The following LZIC variants were observed in gnomAD, a reference collection of about 807,000 sequenced individuals.
LZIC encodes leucine zipper and CTNNBIP1 domain containing, also known as protein LZIC.
Under a neutral mutation model 25.4 loss-of-function variants are expected in LZIC, and 28 were observed. The ratio of observed to expected loss-of-function variants is 1.10; its 90% confidence interval spans 0.82 to 1.51. The LOEUF (loss-of-function observed/expected upper bound fraction) is 1.51, where lower values mean the gene tolerates loss of function less well. Among genes scored for constraint, LZIC ranks in the 40% most tolerant of loss-of-function variants. The pLI, the probability that LZIC is intolerant of heterozygous loss-of-function variation, is 0.00. For missense variants in LZIC, 170 were observed against 211.1 expected (o/e 0.81, Z 1.21); for synonymous variants, 65 against 70.7 (o/e 0.92, Z 0.40).
Position 9,927,964 on chromosome 1 carries a change from T to C in LZIC, c.*2435A>G, listed in dbSNP as rs1453840672. 6.6e-6 allele frequency among the ~76,000 whole-genome samples: 1 copy of C among 152,052 alleles called. No homozygotes were observed. Among genetic ancestry groups the C allele is most frequent in the Non-Finnish European group, 1.5e-5 (1 of 68,010 alleles). ...CTGGGATTACAGGTGTGAGCCACTG[T>C]GCCCGACTGGTGGGAAGAATCTTCT... On this transcript the variant is annotated 3_prime_UTR_variant, in exon 8 of 8. Coordinates refer to ENST00000377223, the MANE Select transcript of LZIC (RefSeq NM_032368.5).
chr1:9,924,664 G>GT (rs747821759), downstream of LZIC, among the ~76,000 whole-genome samples: 29 of 151,986 alleles, frequency 1.9e-4, no homozygotes, highest in Non-Finnish European at 3.7e-4. Context: ...TAATTTTTGT[G>GT]TTTTTTTGTA....
chr1:9,941,186 TTC>T (rs1248689232), intron 2 of LZIC, among the ~76,000 whole-genome samples: 6 of 151,968 alleles, frequency 3.9e-5, no homozygotes, highest in Non-Finnish European at 7.4e-5. Flanking sequence ...CTTTCGTTCG[TTC>T]GTTCTTTCTT....
At position 9,929,374 on chromosome 1, in the gene LZIC, A is replaced by C; in HGVS notation, c.*1025T>G. Reference sequence around the variant, plus strand: ...ATATAAAATGGCTAGAGCCTAAAAAATAAGCTAATATACACGCATAGGGAC... The same window carrying C: ...ATATAAAATGGCTAGAGCCTAAAAACTAAGCTAATATACACGCATAGGGAC... On this transcript the variant is annotated 3_prime_UTR_variant, in exon 8 of 8. Coordinates refer to ENST00000377223, the MANE Select transcript of LZIC (RefSeq NM_032368.5). 1 of 985,168 alleles carries C rather than the reference A, an allele frequency of 1.0e-6. No individual in the cohort carries two copies. Among genetic ancestry groups the C allele is most frequent in the Middle Eastern group, 5.2e-4 (1 of 1,914 alleles). The allele number at this position is 985,168 out of a possible 1,614,324, so 61.0% of individuals were successfully genotyped here.
Position 9,928,149 on chromosome 1 carries a change from T to C in LZIC, c.*2250A>G, listed in dbSNP as rs1370595844. ...GACCAACATGGAGAAACCCCATCTC[T>C]ACTAAAAACACAAAATTAGCCAGGT... On this transcript the variant is annotated 3_prime_UTR_variant, in exon 8 of 8. Transcript: ENST00000377223. 6.6e-6 allele frequency among the ~76,000 whole-genome samples: 1 copy of C among 151,912 alleles called. No homozygotes were observed. Among genetic ancestry groups the C allele is most frequent in the East Asian group, 2.0e-4 (1 of 5,118 alleles).
chr1:9,942,918 C>T (rs1640828039), intron 1 of LZIC, 136 bp from the exon 2 acceptor site: 1 of 354,420 alleles, frequency 2.8e-6, no homozygotes, highest in South Asian at 2.1e-5. Flanking sequence ...CTGCGCCTAC[C>T]GCAGCCTTTC....
rs540506180 is a variant in LZIC at position 9,932,686 on chromosome 1, A to G, written c.432+117T>C. ...CAACAAGAGCGGAACTCCGTCTCAG[A>G]AAAAAAAAAAAAAAAAAAAGAATGT... On this transcript the variant is annotated intron_variant, in intron 6 of 7. Coordinates refer to ENST00000377223, the MANE Select transcript of LZIC (RefSeq NM_032368.5). 5.7e-3 allele frequency: 486 copies of G among 85,968 alleles called. 1 individual carries two copies. The highest frequency in any genetic ancestry group is 0.031 in the East Asian group (112 of 3,618). The allele number at this position is 85,968 out of a possible 1,614,324, so 5.3% of individuals were successfully genotyped here.
Position 9,932,159 on chromosome 1 carries a change from C to A in LZIC, c.433-187G>T, listed in dbSNP as rs530419842. On this transcript the variant is annotated intron_variant, in intron 6 of 7. Coordinates refer to ENST00000377223, the MANE Select transcript of LZIC (RefSeq NM_032368.5). ...AGCAGTTTGAGACCAGCCTGGCCAA[C>A]ATGATGAAACCCCATTTCTATTAAA... 4 of 484,024 alleles carry A rather than the reference C, an allele frequency of 8.3e-6. No individual in the cohort carries two copies. In the South Asian group the frequency reaches 9.5e-5, roughly 12 times the overall value. 30.0% of individuals were successfully genotyped at this position (484,024 alleles called of 1,614,324 possible). A position where few individuals can be genotyped will look rare whatever the true frequency, so the allele number is the denominator to read the frequency against.
rs749505657 is a variant in LZIC at position 9,931,880 on chromosome 1, AG to A, written c.514+10del. ...TATACGACCAGCTTTCAGAAATATG[AG>A]GGCACTCACCAAGGTCTGTAGAGAC... On this transcript the variant is annotated intron_variant, in intron 7 of 7. Transcript: ENST00000377223. The A allele has an allele frequency of 3.5e-5, 56 of 1,595,296 alleles. No individual in the cohort carries two copies. Among genetic ancestry groups the A allele is most frequent in the Non-Finnish European group, 4.5e-5 (52 of 1,166,328 alleles).
At position 9,932,369 on chromosome 1, in the gene LZIC, G is replaced by A. The variant is rs186191427; in HGVS notation, c.433-397C>T. Among the ~76,000 whole-genome samples, 1,450 of 149,016 alleles carry A rather than the reference G, an allele frequency of 9.7e-3. 10 individuals are homozygous for A. Among genetic ancestry groups the A allele is most frequent in the Non-Finnish European group, 0.015 (1,024 of 67,206 alleles). ...TCAAAAAAAAAAAAAAAAGGTAGAG[G>A]GGAGGGCCGGGTGCGGTGGCTCACA... is the stretch of plus-strand genomic sequence containing the variant. On this transcript the variant is annotated intron_variant, in intron 6 of 7. Coordinates refer to ENST00000377223, the MANE Select transcript of LZIC (RefSeq NM_032368.5).
At position 9,930,227 on chromosome 1, in the gene LZIC, A is replaced by G; in HGVS notation, c.*172T>C. The G allele has an allele frequency of 1.4e-6, 2 of 1,471,262 alleles. No individual in the cohort carries two copies. The highest frequency in any genetic ancestry group is 2.3e-5 in the Admixed American group (1 of 42,664). 91.1% of individuals were successfully genotyped at this position (1,471,262 alleles called of 1,614,324 possible). A position where few individuals can be genotyped will look rare whatever the true frequency, so the allele number is the denominator to read the frequency against. On this transcript the variant is annotated 3_prime_UTR_variant, in exon 8 of 8. Coordinates refer to ENST00000377223, the MANE Select transcript of LZIC (RefSeq NM_032368.5). Reference sequence around the variant, plus strand: ...TCAAGCAGGTAACCGCACACAACGCACAATGATGAAGAGCATAAACACAAG... The same window carrying G: ...TCAAGCAGGTAACCGCACACAACGCGCAATGATGAAGAGCATAAACACAAG...
At chr1:9,936,809 C>A (rs1437187557) in intron 2 of LZIC, among the ~76,000 whole-genome samples, 182 bp from the exon 3 acceptor site, 1 of 152,258 alleles carries the variant, frequency 6.6e-6, no homozygotes, top group Non-Finnish European at 1.5e-5. Flanking sequence ...GCATAAGCCA[C>A]CACACCCAGT....
At chr1:9,932,920 C>G in intron 5 of LZIC, 22 bp from the exon 6 acceptor site, 1 of 1,466,372 alleles carries the variant, frequency 6.8e-7, no homozygotes. Context: ...GAATGCAAGG[C>G]ATATGTTACT....
chr1:9,930,220 A>G lies in LZIC; in HGVS notation c.*179T>C. ...GGATCACTCAAGCAGGTAACCGCAC[A>G]CAACGCACAATGATGAAGAGCATAA... On this transcript the variant is annotated 3_prime_UTR_variant, in exon 8 of 8. Transcript: ENST00000377223. 6.9e-7 allele frequency: 1 copy of G among 1,457,172 alleles called. No homozygotes were observed. Among genetic ancestry groups the G allele is most frequent in the Non-Finnish European group, 9.1e-7 (1 of 1,103,648 alleles). The allele number at this position is 1,457,172 out of a possible 1,614,324, so 90.3% of individuals were successfully genotyped here.
intron 2 of LZIC, among the ~76,000 whole-genome samples, chr1:9,937,607 G>A (rs759914865): frequency 1.3e-5 from 2 of 151,796 alleles, no homozygotes; most frequent in Non-Finnish European, 2.9e-5. Flanking sequence ...AACACTTTGG[G>A]AGCCTGAGGT....
chr1:9,937,847 C>CAAAAAAAAA (rs34452687), intron 2 of LZIC, among the ~76,000 whole-genome samples: 1 of 52,730 alleles, frequency 1.9e-5, no homozygotes, highest in Non-Finnish European at 3.1e-5. Context: ...GACCCTGACT[C>CAAAAAAAAA]AAAAAAAAAA....
Position 9,932,839 on chromosome 1 carries a change from C to T in LZIC, c.396G>A (p.Val132=), listed in dbSNP as rs1350151300. ...LERDLYTQQK[V]EILTALRKLG... The stretch of plus-strand genomic sequence containing the variant: ...GTTTCCTAAGAGCTGTTAGTATCTC[C>T]ACTTTCTGTTGAGTGTACAGGTCTC... Residue 132 remains valine (V), a synonymous_variant, in exon 6 of 8, where the codon GTG becomes GTA. Transcript: ENST00000377223. 6.2e-7 allele frequency: 1 copy of T among 1,612,722 alleles called. No homozygotes were observed. The highest frequency in any genetic ancestry group is 2.2e-5 in the East Asian group (1 of 44,876).
Position 9,941,619 on chromosome 1 carries a change from C to A in LZIC, c.-9+1005G>T, listed in dbSNP as rs192213107. The stretch of plus-strand genomic sequence containing the variant: ...GGTTGAAGAGATTCTCCTGCCTCGG[C>A]CTCCCAAGTAGCTGGGATTACAGGC... On this transcript the variant is annotated intron_variant, in intron 2 of 7. Coordinates refer to ENST00000377223, the MANE Select transcript of LZIC (RefSeq NM_032368.5). Among the ~76,000 whole-genome samples, 855 of 151,588 alleles carry A rather than the reference C, an allele frequency of 5.6e-3. 16 individuals carry two copies. The highest frequency in any genetic ancestry group is 4.0e-3 in the South Asian group (19 of 4,798).
intron 2 of LZIC, among the ~76,000 whole-genome samples, chr1:9,941,344 G>A (rs188016022): frequency 1.3e-5 from 2 of 150,864 alleles, no homozygotes; most frequent in East Asian, 2.0e-4. Context: ...GTAGGTGCCC[G>A]CCACCACGCT....
rs1640839137 is a variant in LZIC at position 9,943,035 on chromosome 1, G to A, written c.-168+214C>T. On this transcript the variant is annotated intron_variant, in intron 1 of 7. Transcript: ENST00000377223. ...CAGAGGCTTGGAAAAGGTAAGGGCG[G>A]AGAGCACGCCTCTTCCTTGAAAGTG... The A allele has an allele frequency of 9.8e-6, 3 of 306,978 alleles. 1 individual carries two copies. The highest frequency in any genetic ancestry group is 8.3e-5 in the South Asian group (3 of 36,134). 19.0% of individuals were successfully genotyped at this position (306,978 alleles called of 1,614,324 possible). A position where few individuals can be genotyped will look rare whatever the true frequency, so the allele number is the denominator to read the frequency against.
Sources: gnomAD v4.1 joint callset for allele counts (sites outside exome capture counted in the v4.1 genomes callset) on GRCh38, gnomAD v4.1.1 for gene constraint, MANE v1.5 for transcripts, NCBI Gene and HGNC (gene_info 2026-07-23, HGNC 2026-07-21) for gene names.